MPZ: variants seen among roughly 807,000 people sequenced by gnomAD.
MPZ encodes myelin protein P0.
MPZ carries 13 observed loss-of-function variants against 27.9 expected under a neutral mutation model. That is an observed-to-expected ratio of 0.47 (90% CI 0.30 to 0.74). The LOEUF (loss-of-function observed/expected upper bound fraction) is 0.74. Ranked by LOEUF, MPZ falls within the 30% of genes least tolerant of loss-of-function variation. MPZ has a pLI of 0.06. For synonymous variants in MPZ, 118 were observed against 128.9 expected (o/e 0.92, Z 0.57); for missense variants, 256 against 317.5 (o/e 0.81, Z 1.47).
chr1:161,306,178 G>A lies in MPZ; in HGVS notation c.585-10C>T. 1 of 1,614,206 alleles carries A rather than the reference G, an allele frequency of 6.2e-7. No individual in the cohort carries two copies. The highest frequency in any genetic ancestry group is 8.5e-7 in the Non-Finnish European group (1 of 1,180,018). ...CCCCTTCTCCATAGCACTGCAAGAA[G>A]AGAGACTGCTGTACGTTTGGCCTCG... On this transcript the variant is annotated splice_polypyrimidine_tract_variant and intron_variant, in intron 4 of 5. Coordinates refer to ENST00000533357, the MANE Select transcript of MPZ (RefSeq NM_000530.8).
intron 5 of MPZ, 36 bp from the exon 6 acceptor site, chr1:161,306,013 C>A (rs781180789): frequency 6.2e-7 from 1 of 1,610,068 alleles, no homozygotes; most frequent in Non-Finnish European, 8.5e-7. Context: ...CACCGAGCGA[C>A]TGGGGCTTGA....
At chr1:161,306,193 G>A (rs555436518) in intron 4 of MPZ, 25 bp from the exon 5 acceptor site, 2 of 1,613,932 alleles carry the variant, frequency 1.2e-6, no homozygotes, top group East Asian at 2.2e-5. Flanking sequence ...ACTGCTGTAC[G>A]TTTGGCCTCG....
chr1:161,304,105 C>G (rs1670172641), downstream of MPZ, among the ~76,000 whole-genome samples: 1 of 152,042 alleles, frequency 6.6e-6, no homozygotes, highest in Admixed American at 6.6e-5. Flanking sequence ...AACAAACTAG[C>G]TAATGAGGTA....
chr1:161,309,752 T>C, intron 1 of MPZ, 87 bp downstream of exon 1: 1 of 1,049,570 alleles, frequency 9.5e-7, no homozygotes, highest in Non-Finnish European at 1.4e-6. Flanking sequence ...CTTTCTTTGG[T>C]TGCAGTGGGG....
chr1:161,307,574 G>T, intron 1 of MPZ, 150 bp from the exon 2 acceptor site: 1 of 760,920 alleles, frequency 1.3e-6, no homozygotes, highest in African/African-American at 1.7e-5. Flanking sequence ...AGTCTCTGGG[G>T]ACTAACTGAA....
At chr1:161,306,008 A>C in intron 5 of MPZ, 31 bp from the exon 6 acceptor site, 1 of 1,608,824 alleles carries the variant, frequency 6.2e-7, no homozygotes, top group Non-Finnish European at 8.5e-7. Context: ...TCAGTCACCG[A>C]GCGACTGGGG....
chr1:161,308,830 C>G (rs926021940), intron 1 of MPZ, among the ~76,000 whole-genome samples: 3 of 152,060 alleles, frequency 2.0e-5, no homozygotes, highest in East Asian at 3.9e-4. Flanking sequence ...TCACTATGCC[C>G]TTCTCCAACT....
At chr1:161,305,998 T>A in intron 5 of MPZ, 21 bp from the exon 6 acceptor site, 1 of 1,610,958 alleles carries the variant, frequency 6.2e-7, no homozygotes, top group Non-Finnish European at 8.5e-7. Context: ...GGCGCACACA[T>A]CAGTCACCGA....
Position 161,306,310 on chromosome 1 carries a change from G to T in MPZ, c.584+19C>A, listed in dbSNP as rs771947444. ...GGATAGTGGGGAGAGGGGGAGGGGA[G>T]CTAGGCTCCGCCCCTTACCTGAGCC... On this transcript the variant is annotated intron_variant, in intron 4 of 5. Transcript: ENST00000533357. The T allele has an allele frequency of 6.2e-7, 1 of 1,614,114 alleles. No homozygotes were observed. The highest frequency in any genetic ancestry group is 1.1e-5 in the South Asian group (1 of 91,090).
chr1:161,309,866 G>C lies in MPZ; in HGVS notation c.40C>G (p.Leu14Val). The change falls in exon 1 of 6, where the codon CTG becomes GTG. Residue 14 changes from leucine to valine, a missense_variant. Leu to Val is a conservative substitution (Grantham distance 32). Transcript: ENST00000533357. ...AAAGAAGAGAAGAGCAGCACAGCCA[G>C]GATAGGGCTGGGGCTGGATGAGGGA... The part of the protein sequence containing the change: ...GAPSSSPSPI[L>V]AVLLFSSLVL... 1 of 1,588,676 alleles carries C rather than the reference G, an allele frequency of 6.3e-7. No homozygotes were observed. The highest frequency in any genetic ancestry group is 8.6e-7 in the Non-Finnish European group (1 of 1,168,532).
rs776818376 is a variant in MPZ, at chr1:161,305,930, A to C, written c.693T>G (p.Ala231=). The C allele has an allele frequency of 6.2e-7, 1 of 1,613,590 alleles. No homozygotes were observed. The highest frequency in any genetic ancestry group is 2.2e-5 in the East Asian group (1 of 44,830). The part of the protein sequence containing the change: ...AMLDHSRSTK[A]VSEKKAKGLG... ...GCCCCTTGGCCTTCTTCTCACTGAC[A>C]GCTTTGGTGCTTCTGCTGTGGTCCA... Residue 231 remains alanine, a synonymous_variant, in exon 6 of 6, where the codon GCT becomes GCG. Transcript: ENST00000533357.
downstream of MPZ, among the ~76,000 whole-genome samples, chr1:161,304,451 G>A (rs1670179339): frequency 6.6e-6 from 1 of 152,160 alleles, no homozygotes; most frequent in African/African-American, 2.4e-5. Flanking sequence ...GAGAGTGGCT[G>A]GGATGTTTTA....
Position 161,305,711 on chromosome 1 carries a change from G to A in MPZ, c.*165C>T, listed in dbSNP as rs1670218723. On this transcript the variant is annotated 3_prime_UTR_variant, in exon 6 of 6. Transcript: ENST00000533357. ...ACTTGTCCGAGTTCAGGCCCATCATGTTCTTGAGGGCGTTTTTGAGGCTGG... is the reference window on the plus strand; with the variant it reads ...ACTTGTCCGAGTTCAGGCCCATCATATTCTTGAGGGCGTTTTTGAGGCTGG... The A allele has an allele frequency of 3.3e-6, 2 of 610,440 alleles. No homozygotes were observed. The highest frequency in any genetic ancestry group is 5.8e-6 in the Non-Finnish European group (2 of 344,110). 37.8% of individuals were successfully genotyped at this position (610,440 alleles called of 1,614,324 possible). A position where few individuals can be genotyped will look rare whatever the true frequency, so the allele number is the denominator to read the frequency against.
chr1:161,309,794 G>T, intron 1 of MPZ, 45 bp downstream of exon 1: 1 of 1,482,710 alleles, frequency 6.7e-7, no homozygotes, highest in South Asian at 1.2e-5. Context: ...ATTGCTGAGA[G>T]ACACCTGAGT....
chr1:161,306,051 C>T, intron 5 of MPZ, 57 bp downstream of exon 5: 1 of 1,611,472 alleles, frequency 6.2e-7, no homozygotes, highest in Non-Finnish European at 8.5e-7. Flanking sequence ...CTCACTGCTG[C>T]CCGGCGGCTC....
At chr1:161,308,512 A>T (rs946115938) in intron 1 of MPZ, among the ~76,000 whole-genome samples, 1 of 151,976 alleles carries the variant, frequency 6.6e-6, no homozygotes, top group African/African-American at 2.4e-5. Context: ...CAACCAAACA[A>T]AGTTCCATTG....
chr1:161,309,868 A>T lies in MPZ; in HGVS notation c.38T>A (p.Ile13Asn). 1.3e-6 allele frequency: 2 copies of T among 1,588,928 alleles called. No homozygotes were observed. Among genetic ancestry groups the T allele is most frequent in the Non-Finnish European group, 1.7e-6 (2 of 1,168,698 alleles). The change falls in exon 1 of 6, where the codon ATC (isoleucine) becomes AAC (asparagine). Residue 13 changes from isoleucine to asparagine, a missense_variant. Transcript: ENST00000533357. ...PGAPSSSPSP[I>N]LAVLLFSSLV... ...AGAAGAGAAGAGCAGCACAGCCAGG[A>T]TAGGGCTGGGGCTGGATGAGGGAGC...
In MPZ at chr1:161,305,905, G is replaced by T. The variant is rs747057943; in HGVS notation, c.718C>A (p.Leu240Met). 1 of 1,601,384 alleles carries T rather than the reference G, an allele frequency of 6.2e-7. No individual in the cohort carries two copies. ...KAVSEKKAKG[L>M]GESRKDKK ...TTCTTATCCTTGCGAGACTCCCCCAGCCCCTTGGCCTTCTTCTCACTGACA... is the reference window on the plus strand; with the variant it reads ...TTCTTATCCTTGCGAGACTCCCCCATCCCCTTGGCCTTCTTCTCACTGACA... Residue 240 changes from leucine (L) to methionine (M), a missense_variant, in exon 6 of 6, where the codon CTG becomes ATG. Around this residue, in one of 2 missense-constraint regions of MPZ, gnomAD observed 101 missense variants for 93.6 expected, o/e 1.08. Coordinates refer to ENST00000533357, the MANE Select transcript of MPZ (RefSeq NM_000530.8).
intron 4 of MPZ, 72 bp from the exon 5 acceptor site, chr1:161,306,240 C>T: frequency 4.3e-6 from 7 of 1,611,716 alleles, no homozygotes; most frequent in Non-Finnish European, 5.9e-6. Flanking sequence ...GCTTCCTCTT[C>T]CCCTTGGCCC....
Sources: allele counts gnomAD v4.1 joint callset (sites outside exome capture counted in the v4.1 genomes callset), GRCh38; gene constraint gnomAD v4.1.1; regional missense constraint gnomAD v4.1.1; transcripts MANE v1.5; gene names NCBI Gene and HGNC (gene_info 2026-07-23, HGNC 2026-07-21).